The following SLC24A2 variants were observed in gnomAD, a reference collection of about 807,000 sequenced individuals.
The protein encoded by SLC24A2 is sodium/potassium/calcium exchanger 2.
Under a neutral mutation model 62.0 loss-of-function variants are expected in SLC24A2, and 36 were observed. That is an observed-to-expected ratio of 0.58 (90% CI 0.44 to 0.77). SLC24A2 has a LOEUF of 0.77. Ranked by LOEUF, SLC24A2 falls within the 30% of genes least tolerant of loss-of-function variation. The pLI is 0.00. For missense variants in SLC24A2, 846 were observed against 817.9 expected (o/e 1.03, Z -0.42); for synonymous variants, 358 against 294.0 (o/e 1.22, Z -2.23).
the SLC24A2 span, among the ~76,000 whole-genome samples, chr9:20,140,636 A>G: frequency 6.6e-6 from 1 of 151,972 alleles, no homozygotes; most frequent in East Asian, 1.9e-4. Flanking sequence ...CCTGTTCTGC[A>G]CCCCCTGAAT....
At chr9:19,858,587 C>T in the SLC24A2 span, among the ~76,000 whole-genome samples, 2 of 152,008 alleles carry the variant, frequency 1.3e-5, no homozygotes, top group African/African-American at 4.8e-5. Flanking sequence ...AAAATATCTG[C>T]AAAGTATGCA....
At chr9:19,849,204 G>C in the SLC24A2 span, among the ~76,000 whole-genome samples, 6 of 152,084 alleles carry the variant, frequency 3.9e-5, no homozygotes, top group Non-Finnish European at 8.8e-5. Flanking sequence ...TAAAGTCAGT[G>C]AATGAGGCAA....
At chr9:20,172,046 T>C in the SLC24A2 span, among the ~76,000 whole-genome samples, 1 of 152,006 alleles carries the variant, frequency 6.6e-6, no homozygotes, top group Admixed American at 6.6e-5. Context: ...AACCTGGAAA[T>C]GAACTCCAAA....
At chr9:19,794,710 G>A in the SLC24A2 span, among the ~76,000 whole-genome samples, 27 of 152,118 alleles carry the variant, frequency 1.8e-4, no homozygotes, top group African/African-American at 5.8e-4. Context: ...GATGCCAGCA[G>A]GGACTTCCTG....
At chr9:19,663,469 C>T (rs1365208178) in intron 2 of SLC24A2, among the ~76,000 whole-genome samples, 3 of 152,156 alleles carry the variant, frequency 2.0e-5, no homozygotes, top group East Asian at 1.9e-4. Context: ...TGCCCCCTTC[C>T]GCAATCTGTC....
chr9:20,040,669 C>T, the SLC24A2 span, among the ~76,000 whole-genome samples: 10 of 152,158 alleles, frequency 6.6e-5, no homozygotes, highest in African/African-American at 2.4e-4. Flanking sequence ...TTCTGAGGTT[C>T]TAAGTGGTTG....
chr9:20,188,115 A>C, the SLC24A2 span, among the ~76,000 whole-genome samples: 451 of 116,706 alleles, frequency 3.9e-3, 1 homozygote, highest in African/African-American at 0.013. Flanking sequence ...AGAGGATTAG[A>C]GTCAGAAGCT....
the SLC24A2 span, among the ~76,000 whole-genome samples, chr9:20,305,115 T>C: frequency 1.3e-5 from 2 of 151,294 alleles, no homozygotes; most frequent in Non-Finnish European, 3.0e-5. Flanking sequence ...AATACCTTTT[T>C]TTTTTTTTTT....
chr9:20,021,604 A>C, the SLC24A2 span, among the ~76,000 whole-genome samples: 1 of 152,106 alleles, frequency 6.6e-6, no homozygotes, highest in Non-Finnish European at 1.5e-5. Flanking sequence ...GCAGTACCAA[A>C]GACGTTTTCA....
chr9:19,580,202 C>T lies in SLC24A2; in HGVS notation c.1130-3180G>A, dbSNP rs371432699. On this transcript the variant is annotated intron_variant, in intron 5 of 10. Coordinates refer to ENST00000341998, the MANE Select transcript of SLC24A2 (RefSeq NM_020344.4). ...CTTCAACTTCTGCAACTCAACCTCC[C>T]TCCTAGATGATTCTTTGTCGCAACT... 4.6e-5 allele frequency among the ~76,000 whole-genome samples: 7 copies of T among 152,366 alleles called. No individual in the cohort carries two copies. In the East Asian group the frequency reaches 1.2e-3, roughly 25 times the overall value.
chr9:19,721,070 G>A (rs2118652566), intron 2 of SLC24A2, among the ~76,000 whole-genome samples: 1 of 152,112 alleles, frequency 6.6e-6, no homozygotes, highest in Non-Finnish European at 1.5e-5. Flanking sequence ...TAACTCTATG[G>A]TAACAATTAC....
At chr9:19,763,894 C>A (rs980056637) in intron 2 of SLC24A2, among the ~76,000 whole-genome samples, 1 of 152,156 alleles carries the variant, frequency 6.6e-6, no homozygotes, top group South Asian at 2.1e-4. Flanking sequence ...ATGATACCAG[C>A]TCCTCTTTGT....
chr9:19,728,722 G>C (rs1281182891), intron 2 of SLC24A2, among the ~76,000 whole-genome samples: 1 of 152,032 alleles, frequency 6.6e-6, no homozygotes, highest in Non-Finnish European at 1.5e-5. Flanking sequence ...GTTTTAAAAA[G>C]CTCCAGTTAT....
chr9:19,756,728 G>C (rs1822149586), intron 2 of SLC24A2, among the ~76,000 whole-genome samples: 1 of 151,992 alleles, frequency 6.6e-6, no homozygotes, highest in South Asian at 2.1e-4. Flanking sequence ...TTTCAGACCA[G>C]GCTCTTTGAA....
At chr9:20,258,736 G>C in the SLC24A2 span, among the ~76,000 whole-genome samples, 1 of 152,074 alleles carries the variant, frequency 6.6e-6, no homozygotes, top group African/African-American at 2.4e-5. Flanking sequence ...TATCTTGTAA[G>C]CCAATTCCCT....
At chr9:20,302,245 G>A in the SLC24A2 span, among the ~76,000 whole-genome samples, 14 of 152,258 alleles carry the variant, frequency 9.2e-5, no homozygotes, top group Non-Finnish European at 1.6e-4. Context: ...TAGCTACCAA[G>A]GAGCTCAGTT....
chr9:20,153,639 G>A, the SLC24A2 span, among the ~76,000 whole-genome samples: 2 of 151,792 alleles, frequency 1.3e-5, no homozygotes, highest in Non-Finnish European at 2.9e-5. Flanking sequence ...GGGCTCAGGA[G>A]GAGTTTTAGG....
chr9:20,237,563 G>A, the SLC24A2 span, among the ~76,000 whole-genome samples: 1 of 152,294 alleles, frequency 6.6e-6, no homozygotes, highest in East Asian at 1.9e-4. Context: ...GGTTAGAGAA[G>A]CCCTGAGCAC....
the SLC24A2 span, among the ~76,000 whole-genome samples, chr9:20,067,095 T>A: frequency 6.6e-6 from 1 of 152,256 alleles, no homozygotes; most frequent in Non-Finnish European, 1.5e-5. Context: ...GGTTTCTTTT[T>A]ATTAAACAGA....
Sources: allele counts gnomAD v4.1 joint callset (sites outside exome capture counted in the v4.1 genomes callset), GRCh38; gene constraint gnomAD v4.1.1; transcripts MANE v1.5; gene names NCBI Gene and HGNC (gene_info 2026-07-23, HGNC 2026-07-21).